Variants in TPRX1 observed in about 807,000 individuals in gnomAD.
The protein encoded by TPRX1 is tetra-peptide repeat homeobox protein 1.
TPRX1 carries 2 observed loss-of-function variants against 8.1 expected under a neutral mutation model. The ratio of observed to expected loss-of-function variants is 0.25; its 90% confidence interval spans 0.10 to 0.78. The LOEUF is 0.78. Among genes scored for constraint, TPRX1 ranks in the 30% least tolerant of loss-of-function variants. The probability of loss-of-function intolerance (pLI) is 0.70; values close to 1 mark genes in which losing one functional copy is unlikely to be tolerated. For synonymous variants in TPRX1, 257 were observed against 254.1 expected, an observed-to-expected ratio of 1.01 and a Z score of -0.11; for missense variants, 517 against 586.9, an observed-to-expected ratio of 0.88 and a Z score of 1.23.
At chr19:47,811,648 G>A (rs531385996) in intron 2 of TPRX1, among the ~76,000 whole-genome samples, 14 of 151,724 alleles carry the variant, frequency 9.2e-5, no homozygotes, top group African/African-American at 3.4e-4. Context: ...ACAGTCATGC[G>A]CCACCACGCC....
chr19:47,816,910 T>C (rs766757901), intron 2 of TPRX1, among the ~76,000 whole-genome samples: 1 of 152,214 alleles, frequency 6.6e-6, no homozygotes, highest in Non-Finnish European at 1.5e-5. Flanking sequence ...GATTATTTGC[T>C]ATTCTCACTT....
Position 47,802,780 on chromosome 19 carries a change from C to T in TPRX1, c.522G>A (p.Trp174Ter). Reference sequence around the variant, plus strand: ...TCTGGGCTCTGCACCCAGGGCCACCCCAGGCCTGGTGGAGGCTGCAGATCG... The same window carrying T: ...TCTGGGCTCTGCACCCAGGGCCACCTCAGGCCTGGTGGAGGCTGCAGATCG... The change falls in exon 4 of 4, where the codon TGG becomes TGA. Residue 174 changes from tryptophan (W) to a stop codon, truncating the protein, a stop_gained. Coordinates refer to ENST00000535759, the Ensembl canonical transcript of TPRX1. LOFTEE classifies it low-confidence loss of function (END_TRUNC). 6.2e-7 allele frequency: 1 copy of T among 1,605,520 alleles called. No individual in the cohort carries two copies. Among genetic ancestry groups the T allele is most frequent in the South Asian group, 1.1e-5 (1 of 89,638 alleles).
exon 3 of TPRX1, chr19:47,803,637 C>A: frequency 1.6e-6 from 2 of 1,244,152 alleles, no homozygotes; most frequent in Non-Finnish European, 2.3e-6. Flanking sequence ...GCGCTCCTGC[C>A]GCTGTCTCCT....
In TPRX1 at chr19:47,810,627, G is replaced by T. The variant is rs557471667; in HGVS notation, c.152-6954C>A. Among the ~76,000 whole-genome samples the T allele has an allele frequency of 3.6e-4, 54 of 152,040 alleles. No homozygotes were observed. In the East Asian group the frequency reaches 0.01, roughly 28 times the overall value. ...CTCCCAAAGTGCTGGGATTACAGGC[G>T]CGTCCAGCCTTCCATCAATTCTTCA... On this transcript the variant is annotated intron_variant, in intron 2 of 3. Transcript: ENST00000535759.
exon 4 of TPRX1, chr19:47,802,440 T>C: frequency 1.4e-6 from 2 of 1,395,298 alleles, no homozygotes; most frequent in South Asian, 1.3e-5. Context: ...GGGCCTGAGA[T>C]TGGGCCTGGG....
rs1297558727 is a variant in TPRX1 at position 47,804,624 on chromosome 19, GCCCACCCTGCCGGGACCCTCCCTTT to G, written c.152-976_152-952del. Among the ~76,000 whole-genome samples the G allele has an allele frequency of 2.3e-3, 353 of 152,176 alleles. 3 individuals carry two copies. Among genetic ancestry groups the G allele is most frequent in the Non-Finnish European group, 4.3e-3 (292 of 68,010 alleles). On this transcript the variant is annotated intron_variant, in intron 2 of 3. Coordinates refer to ENST00000535759, the Ensembl canonical transcript of TPRX1. ...TCACTTCTCTGCTGTGCCCACCCTGGCCCACCCTGCCGGGACCCTCCCTTTCCCACCCTGCCCTGCAGTCCCGCCC... is the reference window on the plus strand; with the variant it reads ...TCACTTCTCTGCTGTGCCCACCCTGGCCCACCCTGCCCTGCAGTCCCGCCC...
At chr19:47,815,362 T>G (rs1370243642) in intron 2 of TPRX1, among the ~76,000 whole-genome samples, 1 of 141,498 alleles carries the variant, frequency 7.1e-6, no homozygotes, top group Non-Finnish European at 1.5e-5. Flanking sequence ...ACCATGTTGG[T>G]CAGGCTGGTC....
chr19:47,804,670 C>T (rs886839211), intron 2 of TPRX1, among the ~76,000 whole-genome samples, 119 bp from the exon 1 acceptor site: 3 of 152,082 alleles, frequency 2.0e-5, no homozygotes, highest in Non-Finnish European at 2.9e-5. Context: ...CCTGCAGTCC[C>T]GCCCCCTGGA....
At chr19:47,811,449 C>T (rs1426744587) in intron 2 of TPRX1, among the ~76,000 whole-genome samples, 4 of 151,634 alleles carry the variant, frequency 2.6e-5, no homozygotes, top group Non-Finnish European at 4.4e-5. Flanking sequence ...TCTGTATTTC[C>T]CCTGGGAGCA....
At position 47,815,945 on chromosome 19, in the gene TPRX1, T is replaced by C. The variant is rs189824151; in HGVS notation, c.151+2523A>G. On this transcript the variant is annotated intron_variant, in intron 2 of 3. Transcript: ENST00000535759. Reference sequence around the variant, plus strand: ...CTGGAGAGGACCCTGGAGTGTTTCTTTGGGACTTGGGACAAGTCTTATTTA... The same window carrying C: ...CTGGAGAGGACCCTGGAGTGTTTCTCTGGGACTTGGGACAAGTCTTATTTA... 3.2e-3 allele frequency among the ~76,000 whole-genome samples: 480 copies of C among 152,252 alleles called. 3 individuals carry two copies. Among genetic ancestry groups the C allele is most frequent in the African/African-American group, 0.011 (460 of 41,550 alleles).
In TPRX1 at chr19:47,815,114, T is replaced by TTATATATATATATATATATGCAAA. The variant is rs1555799966; in HGVS notation, c.151+3353_151+3354insTTTGCATATATATATATATATATA. Among the ~76,000 whole-genome samples the TTATATATATATATATATATGCAAA allele has an allele frequency of 2.4e-4, 15 of 63,372 alleles. No individual in the cohort carries two copies. In the East Asian group the frequency reaches 3.2e-3, roughly 13 times the overall value. The allele number at this position is 63,372 out of a possible 152,430, so 41.6% of individuals were successfully genotyped here. ...GTGCTTAGCTCAATAAATAGATAAA[T>TTATATATATATATATATATGCAAA]TATATATATATATATATATATATAT... On this transcript the variant is annotated intron_variant, in intron 2 of 3. Transcript: ENST00000535759.
chr19:47,818,461 CACTT>C (rs561093523), intron 2 of TPRX1: 314 of 455,978 alleles, frequency 6.9e-4, no homozygotes, highest in Admixed American at 1.2e-3. Flanking sequence ...ATTGAACACA[CACTT>C]ACTGCTGTGT....
At chr19:47,818,666 G>A in intron 1 of TPRX1, 2 of 402,864 alleles carry the variant, frequency 5.0e-6, no homozygotes, top group South Asian at 1.8e-5. Flanking sequence ...AGAGCCTGGA[G>A]TGAAACTCAT....
intron 2 of TPRX1, among the ~76,000 whole-genome samples, chr19:47,810,651 C>T (rs1023809687): frequency 6.6e-6 from 1 of 151,884 alleles, no homozygotes; most frequent in Non-Finnish European, 1.5e-5. Flanking sequence ...ATCAATTCTT[C>T]AATCTCCTCT....
At chr19:47,801,913 G>C (rs1967667647) in exon 4 of TPRX1, 5 of 1,614,172 alleles carry the variant, frequency 3.1e-6, no homozygotes, top group Non-Finnish European at 4.2e-6. Flanking sequence ...TGGAGACTGA[G>C]GATCCCTCCA....
intron 2 of TPRX1, among the ~76,000 whole-genome samples, chr19:47,814,243 C>T (rs926767765): frequency 2.6e-5 from 4 of 152,022 alleles, no homozygotes; most frequent in South Asian, 4.2e-4. Context: ...TCAGTAGAGG[C>T]GGGGTTTCAC....
At chr19:47,802,311 G>A in exon 4 of TPRX1, 1 of 1,506,376 alleles carries the variant, frequency 6.6e-7, no homozygotes, top group Non-Finnish European at 9.0e-7. Flanking sequence ...CCTGGGTTCG[G>A]GCCTGAGATT....
intron 2 of TPRX1, among the ~76,000 whole-genome samples, chr19:47,807,203 G>C (rs1376470397): frequency 6.6e-6 from 1 of 152,078 alleles, no homozygotes; most frequent in African/African-American, 2.4e-5. Context: ...ACCGCGCCCG[G>C]CCAAAACCAT....
chr19:47,802,695 G>A (rs1967690057), exon 4 of TPRX1: 1 of 1,579,746 alleles, frequency 6.3e-7, no homozygotes, highest in African/African-American at 1.3e-5. Flanking sequence ...ATCTGGGCTG[G>A]GCCTGGGATT....
Sources: allele counts gnomAD v4.1 joint callset (sites outside exome capture counted in the v4.1 genomes callset), GRCh38; gene constraint gnomAD v4.1.1; transcripts MANE v1.5; gene names NCBI Gene and HGNC (gene_info 2026-07-23, HGNC 2026-07-21).